Variants in OXR1 observed in about 807,000 individuals in gnomAD.
OXR1 encodes oxidation resistance protein 1.
OXR1 carries 41 observed loss-of-function variants against 104.6 expected under a neutral mutation model. The observed-to-expected ratio is 0.39, with a 90% CI of 0.31 to 0.51. The LOEUF (loss-of-function observed/expected upper bound fraction) is 0.51, where lower values mean the gene tolerates loss of function less well. Among genes scored for constraint, OXR1 ranks in the 20% least tolerant of loss-of-function variants. OXR1 has a pLI of 0.77. For synonymous variants in OXR1, 348 were observed against 348.4 expected, an observed-to-expected ratio of 1.00 and a Z score of 0.01; for missense variants, 955 against 1,031.9, an observed-to-expected ratio of 0.93 and a Z score of 1.02.
At chr8:106,741,664 A>G (rs1476460002) in intron 14 of OXR1, among the ~76,000 whole-genome samples, 1 of 152,110 alleles carries the variant, frequency 6.6e-6, no homozygotes, top group East Asian at 1.9e-4. Context: ...CATAACACTG[A>G]AATTACTTGG....
At chr8:106,482,676 C>A (rs570042711) in intron 2 of OXR1, among the ~76,000 whole-genome samples, 9 of 152,092 alleles carry the variant, frequency 5.9e-5, no homozygotes, top group African/African-American at 1.7e-4. Context: ...GTTTGATGAG[C>A]ATCAGATATC....
intron 2 of OXR1, chr8:106,447,922 C>A: frequency 6.5e-7 from 1 of 1,528,410 alleles, no homozygotes. Context: ...GTGGGTGGAG[C>A]TAACGAGACA....
chr8:106,445,917 G>A (rs1269450041), intron 2 of OXR1, among the ~76,000 whole-genome samples: 3 of 152,102 alleles, frequency 2.0e-5, no homozygotes, highest in South Asian at 2.1e-4. Context: ...CTTTAATTTC[G>A]CCTGGGTTGG....
At chr8:106,524,796 A>T (rs1161882935) in intron 3 of OXR1, among the ~76,000 whole-genome samples, 1 of 152,090 alleles carries the variant, frequency 6.6e-6, no homozygotes, top group Non-Finnish European at 1.5e-5. Context: ...TGAATGAGGG[A>T]GGGGGCAGCA....
chr8:106,566,768 C>T (rs1817105855), intron 3 of OXR1, among the ~76,000 whole-genome samples: 1 of 152,200 alleles, frequency 6.6e-6, no homozygotes. Flanking sequence ...GGCACATATA[C>T]ACCATAAAAT....
intron 3 of OXR1, among the ~76,000 whole-genome samples, chr8:106,538,353 G>A (rs1261155997): frequency 1.3e-5 from 2 of 152,094 alleles, no homozygotes; most frequent in Admixed American, 6.5e-5. Flanking sequence ...CTTCAGCATT[G>A]ATTTGATTTT....
chr8:106,420,452 A>G (rs887763128), intron 2 of OXR1, among the ~76,000 whole-genome samples: 1 of 151,942 alleles, frequency 6.6e-6, no homozygotes, highest in Non-Finnish European at 1.5e-5. Flanking sequence ...TTTTGTCATT[A>G]AGTAAATAAG....
rs554176768 is a variant in OXR1 at position 106,453,092 on chromosome 8, T to C, written c.24-65851T>C. Among the ~76,000 whole-genome samples, 9 of 152,294 alleles carry C rather than the reference T, an allele frequency of 5.9e-5. No homozygotes were observed. The South Asian group carries it at 1.7e-3, about 28-fold the overall frequency. ...GCATCGTAGAAGAATGTACAATGACTTCCTTGTACTACTTCCTCAAGTGCC... is the reference window on the plus strand; with the variant it reads ...GCATCGTAGAAGAATGTACAATGACCTCCTTGTACTACTTCCTCAAGTGCC... On this transcript the variant is annotated intron_variant, in intron 2 of 16. Transcript: ENST00000517566.
intron 2 of OXR1, among the ~76,000 whole-genome samples, chr8:106,389,734 A>G (rs1221951360): frequency 1.3e-5 from 2 of 152,180 alleles, no homozygotes; most frequent in African/African-American, 2.4e-5. Flanking sequence ...TTTTGGGGGT[A>G]TATATGGATT....
At chr8:106,482,274 C>A (rs1822173125) in intron 2 of OXR1, among the ~76,000 whole-genome samples, 1 of 151,940 alleles carries the variant, frequency 6.6e-6, no homozygotes, top group Non-Finnish European at 1.5e-5. Context: ...TCCAAGCCCC[C>A]AGATTATCTG....
At chr8:106,513,928 C>T (rs1812698848) in intron 2 of OXR1, among the ~76,000 whole-genome samples, 1 of 152,120 alleles carries the variant, frequency 6.6e-6, no homozygotes, top group African/African-American at 2.4e-5. Flanking sequence ...CATTGGAATA[C>T]ATGTGCAGAG....
chr8:106,328,987 G>C (rs1814595146), intron 1 of OXR1, among the ~76,000 whole-genome samples: 2 of 151,228 alleles, frequency 1.3e-5, no homozygotes, highest in Non-Finnish European at 2.9e-5. Flanking sequence ...GCTCAACTTG[G>C]GGTCAGGCTC....
chr8:106,400,019 T>C (rs1485749473), intron 2 of OXR1, among the ~76,000 whole-genome samples: 1 of 152,182 alleles, frequency 6.6e-6, no homozygotes, highest in Non-Finnish European at 1.5e-5. Flanking sequence ...GTTCTACTTT[T>C]TGTTAATAAC....
At chr8:106,336,564 C>T (rs1814974646) in intron 1 of OXR1, among the ~76,000 whole-genome samples, 1 of 152,222 alleles carries the variant, frequency 6.6e-6, no homozygotes, top group Admixed American at 6.5e-5. Context: ...TACATTCAAA[C>T]TGATGAATTG....
chr8:106,399,923 C>T (rs984974732), intron 2 of OXR1, among the ~76,000 whole-genome samples: 1 of 152,130 alleles, frequency 6.6e-6, no homozygotes, highest in African/African-American at 2.4e-5. Flanking sequence ...TTTTTCCTTG[C>T]ATCAAGAATC....
At chr8:106,641,823 T>G (rs1823661663) in intron 3 of OXR1, among the ~76,000 whole-genome samples, 1 of 152,040 alleles carries the variant, frequency 6.6e-6, no homozygotes, top group Non-Finnish European at 1.5e-5. Flanking sequence ...TGAGGTTATA[T>G]AAGCACCAAA....
Position 106,306,623 on chromosome 8 carries a change from A to T in OXR1, c.-139+36256A>T, listed in dbSNP as rs568894435. 4.3e-4 allele frequency among the ~76,000 whole-genome samples: 65 copies of T among 152,302 alleles called. No individual in the cohort carries two copies. In the South Asian group the frequency reaches 5.2e-3, roughly 12 times the overall value. On this transcript the variant is annotated intron_variant, in intron 1 of 16. Transcript: ENST00000517566. ...AAATGGTGTACTGTTATACACAAAA[A>T]CATGGATGTCTCCATGACTTTACTT... is the stretch of plus-strand genomic sequence containing the variant.
At chr8:106,299,868 G>A (rs1813158060) in intron 1 of OXR1, among the ~76,000 whole-genome samples, 1 of 152,146 alleles carries the variant, frequency 6.6e-6, no homozygotes, top group Non-Finnish European at 1.5e-5. Context: ...GTGCATGAAT[G>A]AAACTACATC....
chr8:106,364,416 C>G (rs1339931600), intron 2 of OXR1, among the ~76,000 whole-genome samples: 1 of 151,950 alleles, frequency 6.6e-6, no homozygotes, highest in Admixed American at 6.6e-5. Context: ...CCCATCTCTA[C>G]TAAAAATACA....
Sources: allele counts gnomAD v4.1 joint callset (sites outside exome capture counted in the v4.1 genomes callset), GRCh38; gene constraint gnomAD v4.1.1; transcripts MANE v1.5; gene names NCBI Gene and HGNC (gene_info 2026-07-23, HGNC 2026-07-21).